Variants in ANO6 observed in about 807,000 individuals in gnomAD.
ANO6 encodes the protein anoctamin 6.
A neutral mutation model predicts 117.5 loss-of-function variants in ANO6; 106 were observed. That is an observed-to-expected ratio of 0.90 (90% CI 0.77 to 1.06). The LOEUF (loss-of-function observed/expected upper bound fraction) is 1.06. Among genes scored for constraint, ANO6 ranks in the 50% least tolerant of loss-of-function variants. The pLI is 0.00. For missense variants in ANO6, 955 were observed against 1,121.1 expected (o/e 0.85, Z 2.12); for synonymous variants, 367 against 385.1 (o/e 0.95, Z 0.55).
rs565369342 is a variant in ANO6, at chr12:45,252,039, A to G, written c.70+35648A>G. ...TCTTAGGCTTTATTATTGTTATTTA[A>G]TATAAAGAATACTGTGATCTTGAAA... On this transcript the variant is annotated intron_variant, in intron 1 of 19. Coordinates refer to ENST00000320560, the MANE Select transcript of ANO6 (RefSeq NM_001025356.3). 5.4e-4 allele frequency among the ~76,000 whole-genome samples: 83 copies of G among 152,336 alleles called. 1 individual carries two copies. The highest frequency in any genetic ancestry group is 2.0e-3 in the African/African-American group (83 of 41,568).
intron 12 of ANO6, among the ~76,000 whole-genome samples, chr12:45,393,653 G>A (rs148604068): frequency 0.017 from 2,519 of 152,270 alleles, 35 homozygotes; most frequent in Non-Finnish European, 0.026. Flanking sequence ...TCTCTTGGCA[G>A]AAACCCTACG....
Position 45,401,795 on chromosome 12 carries a change from A to G in ANO6, c.1387A>G (p.Ile463Val), listed in dbSNP as rs1372946759. 1.2e-6 allele frequency: 2 copies of G among 1,611,878 alleles called. No individual in the cohort carries two copies. The highest frequency in any genetic ancestry group is 2.7e-5 in the African/African-American group (2 of 74,546). The part of the protein sequence containing the change: ...TLCASAVFFW[I>V]LLIIASVIGI... Reference sequence around the variant, plus strand: ...GCTACTGTGTTTGTTGTGCTTTCAGATCCTATTGATCATCGCTTCAGTTAT... The same window carrying G: ...GCTACTGTGTTTGTTGTGCTTTCAGGTCCTATTGATCATCGCTTCAGTTAT... Residue 463 changes from isoleucine (I) to valine (V), a missense_variant and splice_region_variant, in exon 13 of 20, where the codon ATC (isoleucine) becomes GTC (valine). Ile to Val is a conservative substitution (Grantham distance 29, BLOSUM62 3). Transcript: ENST00000320560.
At chr12:45,305,778 G>T (rs918235322) in intron 2 of ANO6, among the ~76,000 whole-genome samples, 4 of 152,112 alleles carry the variant, frequency 2.6e-5, no homozygotes, top group Non-Finnish European at 5.9e-5. Flanking sequence ...TCTGCATGTG[G>T]TTGCATGCAG....
rs1446727751 is a variant in ANO6, at chr12:45,390,470, C to T, written c.1358C>T (p.Thr453Ile). The T allele has an allele frequency of 6.2e-7, 1 of 1,613,678 alleles. No individual in the cohort carries two copies. Among genetic ancestry groups the T allele is most frequent in the Non-Finnish European group, 8.5e-7 (1 of 1,179,880 alleles). Reference sequence around the variant, plus strand: ...GCCTGGGGAAAATGTATACGGATAACCCTCTGTGCCAGTGCTGTCTTTTTC... The same window carrying T: ...GCCTGGGGAAAATGTATACGGATAATCCTCTGTGCCAGTGCTGTCTTTTTC... Reference protein sequence around the residue: ...FTAWGKCIRITLCASAVFFWI... With the variant: ...FTAWGKCIRIILCASAVFFWI... Residue 453 changes from threonine (T) to isoleucine (I), a missense_variant, in exon 12 of 20, where the codon ACC (threonine) becomes ATC (isoleucine). Coordinates refer to ENST00000320560, the MANE Select transcript of ANO6 (RefSeq NM_001025356.3).
At chr12:45,385,221 A>C (rs144914314) in intron 10 of ANO6, among the ~76,000 whole-genome samples, 1 of 152,180 alleles carries the variant, frequency 6.6e-6, no homozygotes, top group African/African-American at 2.4e-5. Context: ...ATAGGTTGGG[A>C]TGCATGAGTG....
At chr12:45,365,576 A>G (rs1158832044) in intron 8 of ANO6, among the ~76,000 whole-genome samples, 1 of 152,200 alleles carries the variant, frequency 6.6e-6, no homozygotes, top group African/African-American at 2.4e-5. Flanking sequence ...GGCAGGTCAA[A>G]TAGTAAGACT....
chr12:45,321,578 G>T (rs1490003022), intron 2 of ANO6, among the ~76,000 whole-genome samples: 2 of 152,130 alleles, frequency 1.3e-5, no homozygotes, highest in Non-Finnish European at 2.9e-5. Context: ...CTAATATTTG[G>T]TTGAAAACTT....
intron 19 of ANO6, among the ~76,000 whole-genome samples, chr12:45,424,626 T>G (rs774336656): frequency 7.8e-4 from 118 of 152,158 alleles, no homozygotes; most frequent in Non-Finnish European, 1.3e-3. Context: ...CATGAGCCAC[T>G]GCGCCCGGCC....
At chr12:45,219,188 A>C (rs12828052) in intron 1 of ANO6, among the ~76,000 whole-genome samples, 18,358 of 151,360 alleles carry the variant, frequency 0.12, 1,565 homozygotes, top group East Asian at 0.31. Flanking sequence ...CCCTCCCCCC[A>C]AAAAAAAACT....
chr12:45,430,494 A>C lies in ANO6; in HGVS notation c.*1183A>C, dbSNP rs1320046931. 1.0e-6 allele frequency: 1 copy of C among 985,286 alleles called. No homozygotes were observed. Among genetic ancestry groups the C allele is most frequent in the Non-Finnish European group, 1.2e-6 (1 of 829,948 alleles). 61.0% of individuals were successfully genotyped at this position (985,286 alleles called of 1,614,324 possible). On this transcript the variant is annotated 3_prime_UTR_variant, in exon 20 of 20. Coordinates refer to ENST00000320560, the MANE Select transcript of ANO6 (RefSeq NM_001025356.3). Reference sequence around the variant, plus strand: ...AGAATGTGGCTTCCTTGCATCCTCCATCCTGTTACTCTGGGCCCAGTAATT... The same window carrying C: ...AGAATGTGGCTTCCTTGCATCCTCCCTCCTGTTACTCTGGGCCCAGTAATT...
chr12:45,348,696 G>A (rs1941207048), intron 6 of ANO6, 65 bp downstream of exon 6: 4 of 1,201,224 alleles, frequency 3.3e-6, no homozygotes, highest in Non-Finnish European at 5.0e-6. Flanking sequence ...CAATAGCAAA[G>A]GGCTAACTTT....
At chr12:45,307,361 A>G (rs1939703468) in intron 2 of ANO6, among the ~76,000 whole-genome samples, 1 of 152,140 alleles carries the variant, frequency 6.6e-6, no homozygotes, top group South Asian at 2.1e-4. Flanking sequence ...TTCTGAATAC[A>G]TTCTGAGGGT....
At chr12:45,381,395 C>A (rs1398344574) in intron 10 of ANO6, among the ~76,000 whole-genome samples, 1 of 152,184 alleles carries the variant, frequency 6.6e-6, no homozygotes, top group Non-Finnish European at 1.5e-5. Context: ...GAAGTTCTAT[C>A]AGTTGTCTTA....
chr12:45,435,756 G>A (rs769973658), downstream of ANO6, among the ~76,000 whole-genome samples: 2 of 152,006 alleles, frequency 1.3e-5, no homozygotes, highest in East Asian at 3.8e-4. Context: ...AGACAGCATC[G>A]ATGGTGGTTT....
chr12:45,253,166 CT>C (rs1276434713), intron 1 of ANO6, among the ~76,000 whole-genome samples: 2 of 152,208 alleles, frequency 1.3e-5, no homozygotes, highest in Admixed American at 1.3e-4. Context: ...AGGGAACATT[CT>C]GTAATTCAGG....
At chr12:45,290,374 A>G (rs1359452947) in intron 1 of ANO6, among the ~76,000 whole-genome samples, 2 of 152,122 alleles carry the variant, frequency 1.3e-5, no homozygotes, top group Non-Finnish European at 2.9e-5. Flanking sequence ...ACTCAAATGT[A>G]CTTGGAGCTG....
intron 9 of ANO6, among the ~76,000 whole-genome samples, chr12:45,369,057 T>G (rs1381446829): frequency 1.3e-5 from 2 of 152,216 alleles, no homozygotes; most frequent in African/African-American, 2.4e-5. Context: ...GCAGGCACTT[T>G]ACTCAGATCC....
At chr12:45,302,806 T>C (rs1939539624) in intron 2 of ANO6, among the ~76,000 whole-genome samples, 1 of 152,212 alleles carries the variant, frequency 6.6e-6, no homozygotes, top group Non-Finnish European at 1.5e-5. Context: ...CTGTGACTCA[T>C]GTACCATATT....
intron 1 of ANO6, among the ~76,000 whole-genome samples, chr12:45,294,992 C>T (rs1429491029): frequency 6.6e-6 from 1 of 152,148 alleles, no homozygotes; most frequent in Non-Finnish European, 1.5e-5. Flanking sequence ...AGCTTATTCT[C>T]CACAGTAACC....
Sources: gnomAD v4.1 joint callset for allele counts (sites outside exome capture counted in the v4.1 genomes callset) on GRCh38, gnomAD v4.1.1 for gene constraint, MANE v1.5 for transcripts, NCBI Gene and HGNC (gene_info 2026-07-23, HGNC 2026-07-21) for gene names.